GRM1: variants seen among roughly 807,000 people sequenced by gnomAD.
GRM1 encodes the protein glutamate metabotropic receptor 1.
In GRM1, 33 loss-of-function variants were observed where a neutral mutation model predicts 90.9. That is an observed-to-expected ratio of 0.36 (90% CI 0.28 to 0.49). The LOEUF (loss-of-function observed/expected upper bound fraction) is 0.49, where lower values mean the gene tolerates loss of function less well. Among genes scored for constraint, GRM1 ranks in the 20% least tolerant of loss-of-function variants. The probability of loss-of-function intolerance (pLI) is 0.99; values close to 1 mark genes in which losing one functional copy is unlikely to be tolerated. For missense variants in GRM1, 1,190 were observed against 1,534.3 expected (o/e 0.78, Z 3.75); for synonymous variants, 700 against 613.2 (o/e 1.14, Z -2.09).
At chr6:146,356,632 T>C (rs3819836) in intron 4 of GRM1, among the ~76,000 whole-genome samples, 30,151 of 152,102 alleles carry the variant, frequency 0.2, 3,298 homozygotes, top group Middle Eastern at 0.27. Context: ...TTTTTACATG[T>C]CTATCTTAAT....
chr6:146,233,492 T>A (rs1318995551), intron 2 of GRM1, among the ~76,000 whole-genome samples: 8 of 152,114 alleles, frequency 5.3e-5, no homozygotes, highest in African/African-American at 1.9e-4. Context: ...TTTTGGTAGA[T>A]CATGTTTTCA....
chr6:146,194,445 T>C (rs1779048403), intron 2 of GRM1, among the ~76,000 whole-genome samples: 1 of 152,222 alleles, frequency 6.6e-6, no homozygotes, highest in Non-Finnish European at 1.5e-5. Context: ...CTCGACTTCA[T>C]TGGCCAAGTC....
intron 5 of GRM1, among the ~76,000 whole-genome samples, chr6:146,382,163 A>T (rs1189797334): frequency 6.6e-6 from 1 of 152,280 alleles, no homozygotes; most frequent in African/African-American, 2.4e-5. Flanking sequence ...TGACATAAAA[A>T]GCATTTTATT....
intron 7 of GRM1, among the ~76,000 whole-genome samples, chr6:146,402,386 T>C (rs76112060): frequency 3.5e-4 from 53 of 152,236 alleles, no homozygotes; most frequent in African/African-American, 1.3e-3. Context: ...TTTTAGTATA[T>C]AAAAAAGAAT....
intron 2 of GRM1, among the ~76,000 whole-genome samples, chr6:146,162,820 A>T (rs1213240731): frequency 3.0e-5 from 4 of 131,488 alleles, no homozygotes; most frequent in African/African-American, 1.7e-4. Context: ...TAATGAAAAA[A>T]CAAAACAAAA....
chr6:146,059,661 G>C (rs977556255), intron 1 of GRM1, among the ~76,000 whole-genome samples: 1 of 152,094 alleles, frequency 6.6e-6, no homozygotes, highest in African/African-American at 2.4e-5. Context: ...TATGTAGTTT[G>C]TCTGCATTCA....
chr6:146,290,316 C>T (rs755628126), intron 2 of GRM1, among the ~76,000 whole-genome samples: 17 of 152,164 alleles, frequency 1.1e-4, no homozygotes, highest in Admixed American at 2.0e-4. Context: ...ATTTTCTTGA[C>T]GTACACAAGG....
intron 5 of GRM1, among the ~76,000 whole-genome samples, chr6:146,366,719 T>C (rs1775703916): frequency 6.6e-6 from 1 of 152,142 alleles, no homozygotes. Flanking sequence ...TATGTCTAGG[T>C]TTTTTTCCCC....
In GRM1 at chr6:146,434,747, A is replaced by C; in HGVS notation, c.3536A>C (p.Tyr1179Ser). 1 of 1,600,344 alleles carries C rather than the reference A, an allele frequency of 6.2e-7. No individual in the cohort carries two copies. The highest frequency in any genetic ancestry group is 8.5e-7 in the Non-Finnish European group (1 of 1,179,936). Residue 1179 changes from tyrosine (Y) to serine (S), a missense_variant, in exon 8 of 8, where the codon TAC becomes TCC. Tyr to Ser is a moderately radical substitution (Grantham distance 144). Around this residue, in one of 10 missense-constraint regions of GRM1, gnomAD observed 48 missense variants for 48.5 expected, o/e 0.99. Coordinates refer to ENST00000282753, the MANE Select transcript of GRM1 (RefSeq NM_001278064.2). ...CTCTGCACCCCTCCCAACGTATCCT[A>C]CGCCTCTGTCATTCTGCGGGACTAC... The part of the protein sequence containing the change: ...SVLCTPPNVS[Y>S]ASVILRDYKQ...
chr6:146,168,876 T>C (rs1484500668), intron 2 of GRM1, among the ~76,000 whole-genome samples: 1 of 152,114 alleles, frequency 6.6e-6, no homozygotes, highest in Non-Finnish European at 1.5e-5. Context: ...CTTAAGCATG[T>C]TTCCTTATCA....
chr6:146,414,696 C>T (rs1459337080), intron 7 of GRM1, among the ~76,000 whole-genome samples: 2 of 152,240 alleles, frequency 1.3e-5, no homozygotes, highest in Non-Finnish European at 2.9e-5. Context: ...GCCACCACAC[C>T]TGGCCTGCCT....
At chr6:146,416,748 G>C (rs1453916125) in intron 7 of GRM1, among the ~76,000 whole-genome samples, 1 of 152,026 alleles carries the variant, frequency 6.6e-6, no homozygotes, top group Non-Finnish European at 1.5e-5. Context: ...AGCTATCCGG[G>C]GGTCCTGGCT....
At chr6:146,255,421 A>G (rs1781443353) in intron 2 of GRM1, among the ~76,000 whole-genome samples, 1 of 152,134 alleles carries the variant, frequency 6.6e-6, no homozygotes, top group Non-Finnish European at 1.5e-5. Flanking sequence ...ATGATCCCCT[A>G]TCCCATTTCC....
intron 7 of GRM1, among the ~76,000 whole-genome samples, chr6:146,403,412 A>AACC (rs2114599307): frequency 6.6e-6 from 1 of 152,290 alleles, no homozygotes; most frequent in Non-Finnish European, 1.5e-5. Context: ...AAACAATTAC[A>AACC]ACCTTTCCTC....
intron 2 of GRM1, among the ~76,000 whole-genome samples, chr6:146,302,643 G>A (rs1783431685): frequency 7.3e-5 from 11 of 151,434 alleles, no homozygotes; most frequent in Admixed American, 7.2e-4. Context: ...TACCTCCCTT[G>A]GCCTCCCAAA....
At chr6:146,111,317 T>G (rs1269245751) in intron 1 of GRM1, among the ~76,000 whole-genome samples, 1 of 152,204 alleles carries the variant, frequency 6.6e-6, no homozygotes, top group African/African-American at 2.4e-5. Context: ...CATGGGTCCC[T>G]GCTAACTGAT....
chr6:146,170,794 T>C (rs1241580221), intron 2 of GRM1, among the ~76,000 whole-genome samples: 1 of 152,120 alleles, frequency 6.6e-6, no homozygotes, highest in East Asian at 1.9e-4. Flanking sequence ...AGTTTTTGGT[T>C]GCCTGCTTTT....
chr6:146,372,132 T>C (rs1775926364), intron 5 of GRM1, among the ~76,000 whole-genome samples: 1 of 152,170 alleles, frequency 6.6e-6, no homozygotes, highest in South Asian at 2.1e-4. Flanking sequence ...TGTCATTGCC[T>C]GTCATTTGGA....
chr6:146,184,948 C>G (rs922627278), intron 2 of GRM1, among the ~76,000 whole-genome samples: 1 of 152,160 alleles, frequency 6.6e-6, no homozygotes, highest in Non-Finnish European at 1.5e-5. Flanking sequence ...TGAAATAGTA[C>G]CATGTGTGCT....
Sources: gnomAD v4.1 joint callset for allele counts (sites outside exome capture counted in the v4.1 genomes callset) on GRCh38, gnomAD v4.1.1 for gene constraint, gnomAD v4.1.1 regional missense constraint, MANE v1.5 for transcripts, NCBI Gene and HGNC (gene_info 2026-07-23, HGNC 2026-07-21) for gene names.